The following CFAP299 variants were observed in gnomAD, a reference collection of about 807,000 sequenced individuals.
CFAP299 encodes the protein cilia and flagella associated protein 299, also known as cilia- and flagella-associated protein 299.
CFAP299 carries 21 observed loss-of-function variants against 27.0 expected under a neutral mutation model. The observed-to-expected ratio is 0.78, with a 90% confidence interval of 0.55 to 1.12. The LOEUF (loss-of-function observed/expected upper bound fraction) is 1.12. CFAP299 is among the 50% of genes most tolerant of loss of function. CFAP299 has a pLI of 0.00. For synonymous variants in CFAP299, 104 were observed against 98.1 expected, an observed-to-expected ratio of 1.06 and a Z score of -0.36; for missense variants, 310 against 276.6, an observed-to-expected ratio of 1.12 and a Z score of -0.86.
intron 3 of CFAP299, among the ~76,000 whole-genome samples, chr4:80,844,472 T>A (rs557592069): frequency 1.7e-3 from 252 of 152,346 alleles, no homozygotes; most frequent in Non-Finnish European, 2.9e-3. Flanking sequence ...GGTATCTCAT[T>A]GTGGTTTTGA....
chr4:80,941,655 A>G (rs1737201144), intron 4 of CFAP299, among the ~76,000 whole-genome samples: 2 of 151,498 alleles, frequency 1.3e-5, no homozygotes, highest in African/African-American at 4.9e-5. Context: ...TGGGTCATTT[A>G]TTTAAAAAAA....
intron 2 of CFAP299, among the ~76,000 whole-genome samples, chr4:80,545,817 C>A (rs1734201423): frequency 6.6e-6 from 1 of 152,132 alleles, no homozygotes; most frequent in Admixed American, 6.6e-5. Context: ...TGGTCAAAAT[C>A]TCTGATAAAC....
intron 3 of CFAP299, among the ~76,000 whole-genome samples, chr4:80,617,321 A>G (rs1451520699): frequency 6.6e-6 from 1 of 152,102 alleles, no homozygotes; most frequent in Non-Finnish European, 1.5e-5. Flanking sequence ...ATTGTGTTAG[A>G]TGTTATCATT....
At chr4:80,385,007 AG>A (rs1426672090) in intron 2 of CFAP299, among the ~76,000 whole-genome samples, 1 of 152,178 alleles carries the variant, frequency 6.6e-6, no homozygotes, top group Non-Finnish European at 1.5e-5. Flanking sequence ...GGGTATAAAA[AG>A]TGATGTTTTG....
chr4:80,493,997 G>A (rs187484314), intron 2 of CFAP299, among the ~76,000 whole-genome samples: 4,844 of 151,486 alleles, frequency 0.032, 146 homozygotes, highest in South Asian at 0.094. Flanking sequence ...GGATGGTCTC[G>A]ATCTCCTGAC....
intron 4 of CFAP299, among the ~76,000 whole-genome samples, chr4:80,893,071 G>T (rs1734424187): frequency 6.6e-6 from 1 of 150,796 alleles, no homozygotes; most frequent in Admixed American, 6.6e-5. Flanking sequence ...AAAAACAGAT[G>T]CATTATATCC....
chr4:80,402,313 A>C (rs1726202804), intron 2 of CFAP299, among the ~76,000 whole-genome samples: 1 of 152,170 alleles, frequency 6.6e-6, no homozygotes, highest in Non-Finnish European at 1.5e-5. Flanking sequence ...CCAAATCTCA[A>C]CTTGAATTGC....
chr4:80,899,330 A>C (rs74769885), intron 4 of CFAP299, among the ~76,000 whole-genome samples: 5,187 of 152,296 alleles, frequency 0.034, 203 homozygotes, highest in African/African-American at 0.096. Context: ...ATTCAACATA[A>C]AGTTAGTGCT....
intron 4 of CFAP299, among the ~76,000 whole-genome samples, chr4:80,916,169 C>T (rs1218572570): frequency 2.1e-5 from 3 of 146,310 alleles, no homozygotes; most frequent in Non-Finnish European, 3.0e-5. Context: ...GGCTGAGGCA[C>T]GAGAATCACT....
intron 3 of CFAP299, among the ~76,000 whole-genome samples, chr4:80,851,758 C>G (rs1002076499): frequency 4.6e-5 from 7 of 152,040 alleles, no homozygotes; most frequent in Admixed American, 1.3e-4. Flanking sequence ...TTCAATTCAG[C>G]CTTCATCTTC....
intron 3 of CFAP299, among the ~76,000 whole-genome samples, chr4:80,837,457 C>A (rs192639717): frequency 6.6e-6 from 1 of 152,146 alleles, no homozygotes; most frequent in Admixed American, 6.5e-5. Flanking sequence ...CCCGACAGGC[C>A]CTAGTGTATG....
intron 2 of CFAP299, among the ~76,000 whole-genome samples, chr4:80,420,493 T>C (rs891546807): frequency 6.6e-6 from 1 of 152,238 alleles, no homozygotes; most frequent in Non-Finnish European, 1.5e-5. Context: ...TTTGTGGTTT[T>C]AATTTGCATC....
chr4:80,609,133 A>G (rs1284627007), intron 3 of CFAP299, among the ~76,000 whole-genome samples: 1 of 151,992 alleles, frequency 6.6e-6, no homozygotes, highest in Non-Finnish European at 1.5e-5. Flanking sequence ...GTATACATAT[A>G]TTTGCTACTT....
At chr4:80,760,638 A>G (rs1725495815) in intron 3 of CFAP299, among the ~76,000 whole-genome samples, 1 of 152,252 alleles carries the variant, frequency 6.6e-6, no homozygotes. Context: ...AGAAGAAGTT[A>G]CTACTTGCAG....
chr4:80,386,786 C>T, intron 2 of CFAP299: 3 of 1,174,158 alleles, frequency 2.6e-6, no homozygotes, highest in Non-Finnish European at 3.8e-6. Flanking sequence ...CTTACCGCAG[C>T]TTGTGTGCGT....
chr4:80,942,606 A>C (rs1737257397), intron 4 of CFAP299, among the ~76,000 whole-genome samples: 1 of 152,182 alleles, frequency 6.6e-6, no homozygotes, highest in Non-Finnish European at 1.5e-5. Context: ...CATGTTCTAT[A>C]CAAATATACT....
intron 4 of CFAP299, among the ~76,000 whole-genome samples, chr4:80,933,813 A>T (rs1736752272): frequency 6.6e-6 from 1 of 152,126 alleles, no homozygotes; most frequent in Non-Finnish European, 1.5e-5. Context: ...TTTATTAATT[A>T]TAACAATATT....
rs377622290 is a variant in CFAP299, at chr4:80,674,814, C to T, written c.333+91631C>T. Among the ~76,000 whole-genome samples the T allele has an allele frequency of 1.6e-4, 24 of 152,166 alleles. No individual in the cohort carries two copies. In the East Asian group the frequency reaches 2.1e-3, roughly 13 times the overall value. On this transcript the variant is annotated intron_variant, in intron 3 of 5. Transcript: ENST00000358105. Reference sequence around the variant, plus strand: ...TACACATTATTCAACTTGATCGAATCGGCTATTGAAGCTTATGCATGCATC... The same window carrying T: ...TACACATTATTCAACTTGATCGAATTGGCTATTGAAGCTTATGCATGCATC...
intron 3 of CFAP299, among the ~76,000 whole-genome samples, chr4:80,587,890 A>G (rs1460839493): frequency 6.6e-6 from 1 of 151,594 alleles, no homozygotes; most frequent in African/African-American, 2.4e-5. Flanking sequence ...TCAATAAAGC[A>G]TAAATACCAT....
Sources: gnomAD v4.1 joint callset for allele counts (sites outside exome capture counted in the v4.1 genomes callset) on GRCh38, gnomAD v4.1.1 for gene constraint, MANE v1.5 for transcripts, NCBI Gene and HGNC (gene_info 2026-07-23, HGNC 2026-07-21) for gene names.